CCNY: variants seen among roughly 807,000 people sequenced by gnomAD.
CCNY encodes cyclin Y.
CCNY carries 19 observed loss-of-function variants against 42.8 expected under a neutral mutation model. That is an observed-to-expected ratio of 0.44 (90% CI 0.31 to 0.65). CCNY has a LOEUF of 0.65. Among genes scored for constraint, CCNY ranks in the 30% least tolerant of loss-of-function variants. The pLI is 0.07. For missense variants in CCNY, 370 were observed against 437.3 expected, an observed-to-expected ratio of 0.85 and a Z score of 1.37; for synonymous variants, 165 against 162.7, an observed-to-expected ratio of 1.01 and a Z score of -0.11.
intron 1 of CCNY, among the ~76,000 whole-genome samples, chr10:35,476,651 T>C (rs1377970702): frequency 6.7e-6 from 1 of 149,446 alleles, no homozygotes; most frequent in Non-Finnish European, 1.5e-5. Flanking sequence ...TAGAGGGAAA[T>C]TTATAGCACT....
At chr10:35,482,962 G>C (rs1839706755) in intron 1 of CCNY, among the ~76,000 whole-genome samples, 1 of 152,044 alleles carries the variant, frequency 6.6e-6, no homozygotes, top group Admixed American at 6.6e-5. Flanking sequence ...AAATAATTAA[G>C]CAGAGTATGT....
chr10:35,561,198 C>T (rs1841459140), intron 8 of CCNY, among the ~76,000 whole-genome samples: 2 of 152,182 alleles, frequency 1.3e-5, no homozygotes, highest in African/African-American at 4.8e-5. Flanking sequence ...TCCCCAAGAT[C>T]CTAGAATCCT....
At chr10:35,383,883 C>T (rs950866915) in intron 1 of CCNY, among the ~76,000 whole-genome samples, 1 of 151,964 alleles carries the variant, frequency 6.6e-6, no homozygotes, top group African/African-American at 2.4e-5. Context: ...GGTTTCTTTC[C>T]TGCACTACTC....
chr10:35,391,607 G>A (rs941984974), intron 1 of CCNY, among the ~76,000 whole-genome samples: 4 of 152,320 alleles, frequency 2.6e-5, no homozygotes, highest in East Asian at 3.9e-4. Flanking sequence ...CTGATTCTTT[G>A]AAGAGAAACT....
At chr10:35,337,780 A>T (rs1836081617) in intron 1 of CCNY, among the ~76,000 whole-genome samples, 5 of 152,034 alleles carry the variant, frequency 3.3e-5, no homozygotes, top group Admixed American at 3.3e-4. Context: ...AGGATTAGTC[A>T]AATAGCTTCT....
At chr10:35,330,231 C>A (rs1835926321) in intron 3 of CCNY, among the ~76,000 whole-genome samples, 1 of 152,200 alleles carries the variant, frequency 6.6e-6, no homozygotes, top group African/African-American at 2.4e-5. Context: ...TTCAGAGGAA[C>A]CATTAGCTAC....
intron 1 of CCNY, among the ~76,000 whole-genome samples, chr10:35,423,346 G>T (rs1029495223): frequency 6.6e-6 from 1 of 151,894 alleles, no homozygotes; most frequent in African/African-American, 2.4e-5. Context: ...ATGGTGACGC[G>T]CACCTGTATT....
Position 35,307,585 on chromosome 10 carries a change from T to C in CCNY, c.-9+56959T>C, listed in dbSNP as rs752263512. On this transcript the variant is annotated intron_variant, in intron 3 of 11. Coordinates refer to the CCNY transcript ENST00000374706. The stretch of plus-strand genomic sequence containing the variant: ...CTAAAACGAGGCACAATTCAGATCT[T>C]TATGCTAGGTACTGGGCTAAATAAC... 3.3e-4 allele frequency among the ~76,000 whole-genome samples: 50 copies of C among 152,112 alleles called. 1 individual carries two copies. The highest frequency in any genetic ancestry group is 6.8e-3 in the Middle Eastern group (2 of 294).
intron 1 of CCNY, among the ~76,000 whole-genome samples, chr10:35,444,676 AG>A (rs1838752071): frequency 6.6e-6 from 1 of 152,048 alleles, no homozygotes; most frequent in African/African-American, 2.4e-5. Flanking sequence ...CATAAGCTCA[AG>A]GGACTACTGT....
intron 1 of CCNY, among the ~76,000 whole-genome samples, chr10:35,413,679 G>A (rs554364323): frequency 6.6e-6 from 1 of 152,314 alleles, no homozygotes; most frequent in South Asian, 2.1e-4. Context: ...GGAAGGTGAT[G>A]TACTGTGTGG....
chr10:35,350,054 A>G (rs1390832671), intron 1 of CCNY, among the ~76,000 whole-genome samples: 2 of 152,140 alleles, frequency 1.3e-5, no homozygotes, highest in African/African-American at 4.8e-5. Flanking sequence ...CTCCTCCTCC[A>G]GCTTTGCAAA....
intron 7 of CCNY, among the ~76,000 whole-genome samples, chr10:35,534,838 G>A (rs917285015): frequency 2.6e-5 from 4 of 151,842 alleles, no homozygotes; most frequent in Non-Finnish European, 4.4e-5. Flanking sequence ...TATCTCATAT[G>A]ATAGTTCATG....
chr10:35,478,009 G>C (rs1839558953), intron 1 of CCNY, among the ~76,000 whole-genome samples: 5 of 145,252 alleles, frequency 3.4e-5, no homozygotes, highest in African/African-American at 1.3e-4. Flanking sequence ...CAAACAGAGA[G>C]CCAAATCATG....
intron 7 of CCNY, among the ~76,000 whole-genome samples, chr10:35,536,025 T>C (rs1256355977): frequency 6.6e-6 from 1 of 152,224 alleles, no homozygotes; most frequent in African/African-American, 2.4e-5. Context: ...AAGATTTGTA[T>C]AAGTTTGTGA....
At chr10:35,407,874 C>T in intron 1 of CCNY, among the ~76,000 whole-genome samples, 1 of 152,046 alleles carries the variant, frequency 6.6e-6, no homozygotes, top group East Asian at 1.9e-4. Context: ...GCAGACGTCC[C>T]CACGGAGATC....
chr10:35,520,878 C>A (rs1367641830), intron 4 of CCNY, among the ~76,000 whole-genome samples: 1 of 152,172 alleles, frequency 6.6e-6, no homozygotes, highest in African/African-American at 2.4e-5. Context: ...AGTCCTCTGA[C>A]AAGCATAAGA....
chr10:35,382,023 C>T (rs1423719418), intron 1 of CCNY, among the ~76,000 whole-genome samples: 1 of 152,130 alleles, frequency 6.6e-6, no homozygotes, highest in Non-Finnish European at 1.5e-5. Flanking sequence ...TTTTACATAA[C>T]TATTACTGAA....
chr10:35,383,081 C>T (rs549242887), intron 1 of CCNY, among the ~76,000 whole-genome samples: 10 of 152,112 alleles, frequency 6.6e-5, no homozygotes, highest in Admixed American at 1.3e-4. Flanking sequence ...GCAAAACCTG[C>T]GTGACCAAGA....
At chr10:35,546,169 G>A (rs956829567) in intron 7 of CCNY, among the ~76,000 whole-genome samples, 1 of 152,186 alleles carries the variant, frequency 6.6e-6, no homozygotes, top group Non-Finnish European at 1.5e-5. Flanking sequence ...CTGAAAGACG[G>A]CAGATTTAAA....
Sources: gnomAD v4.1 joint callset for allele counts (sites outside exome capture counted in the v4.1 genomes callset) on GRCh38, gnomAD v4.1.1 for gene constraint, MANE v1.5 for transcripts, NCBI Gene and HGNC (gene_info 2026-07-23, HGNC 2026-07-21) for gene names.